ANO3: variants seen among roughly 807,000 people sequenced by gnomAD.
The protein encoded by ANO3 is anoctamin 3, also known as anoctamin-3.
In ANO3, 99 loss-of-function variants were observed where a neutral mutation model predicts 144.8. The observed-to-expected ratio is 0.68, with a 90% confidence interval of 0.58 to 0.81. The LOEUF (loss-of-function observed/expected upper bound fraction) is 0.81. Among genes scored for constraint, ANO3 ranks in the 30% least tolerant of loss-of-function variants. ANO3 has a pLI of 0.00. For missense variants in ANO3, 905 were observed against 1,202.2 expected, an observed-to-expected ratio of 0.75 and a Z score of 3.66; for synonymous variants, 414 against 392.6, an observed-to-expected ratio of 1.05 and a Z score of -0.64.
intron 19 of ANO3, 125 bp from the exon 20 acceptor site, chr11:26,634,888 A>G: frequency 2.8e-6 from 2 of 710,256 alleles, no homozygotes; most frequent in East Asian, 2.6e-5. Flanking sequence ...GCAGAAGTCA[A>G]CTGGGGACAG....
At chr11:26,609,941 C>T (rs926777886) in intron 17 of ANO3, among the ~76,000 whole-genome samples, 2 of 152,162 alleles carry the variant, frequency 1.3e-5, no homozygotes, top group African/African-American at 2.4e-5. Context: ...GACGGAGTTT[C>T]GCTCTTGTTG....
intron 14 of ANO3, among the ~76,000 whole-genome samples, chr11:26,587,994 A>C (rs1379259085): frequency 6.6e-6 from 1 of 151,932 alleles, no homozygotes; most frequent in Non-Finnish European, 1.5e-5. Context: ...GAGGGTTTTC[A>C]TTAGAATCAA....
At chr11:26,366,896 A>G (rs1448602125) in intron 1 of ANO3, among the ~76,000 whole-genome samples, 1 of 152,042 alleles carries the variant, frequency 6.6e-6, no homozygotes, top group Non-Finnish European at 1.5e-5. Flanking sequence ...TCAGATGAGT[A>G]GGTTGCAAAA....
At chr11:26,654,164 A>G (rs908216741) in intron 24 of ANO3, among the ~76,000 whole-genome samples, 2 of 152,144 alleles carry the variant, frequency 1.3e-5, no homozygotes, top group South Asian at 4.1e-4. Flanking sequence ...TTTACATATA[A>G]ACTTTAGATT....
intron 4 of ANO3, among the ~76,000 whole-genome samples, chr11:26,470,164 T>A (rs1859729920): frequency 6.6e-6 from 1 of 151,770 alleles, no homozygotes; most frequent in Non-Finnish European, 1.5e-5. Context: ...TTTGGGAGGC[T>A]GAGGAGGGCA....
At chr11:26,233,089 C>A (rs369818792) in intron 1 of ANO3, among the ~76,000 whole-genome samples, 1 of 151,778 alleles carries the variant, frequency 6.6e-6, no homozygotes, top group East Asian at 1.9e-4. Flanking sequence ...TGGTGGCGGG[C>A]GCCTGTAGTC....
chr11:26,619,252 G>T (rs191238152), intron 17 of ANO3, among the ~76,000 whole-genome samples: 1 of 152,044 alleles, frequency 6.6e-6, no homozygotes, highest in Non-Finnish European at 1.5e-5. Context: ...TATAACCAAA[G>T]ACTATACATT....
chr11:26,557,839 C>T (rs1040138331), intron 13 of ANO3, among the ~76,000 whole-genome samples: 1 of 152,164 alleles, frequency 6.6e-6, no homozygotes, highest in African/African-American at 2.4e-5. Context: ...ACATCTCAAG[C>T]TATAACCACA....
At chr11:26,193,942 T>C (rs1472787815) in intron 1 of ANO3, among the ~76,000 whole-genome samples, 3 of 152,160 alleles carry the variant, frequency 2.0e-5, no homozygotes, top group African/African-American at 7.2e-5. Context: ...TGCTACTAAC[T>C]GCATGACTTC....
At chr11:26,592,359 C>T (rs962763219) in intron 14 of ANO3, among the ~76,000 whole-genome samples, 3 of 152,000 alleles carry the variant, frequency 2.0e-5, no homozygotes, top group African/African-American at 7.2e-5. Flanking sequence ...TATTGTATGC[C>T]TAACACCTGG....
At chr11:26,418,473 C>A (rs1029919725) in intron 1 of ANO3, among the ~76,000 whole-genome samples, 9 of 152,032 alleles carry the variant, frequency 5.9e-5, no homozygotes, top group Non-Finnish European at 1.2e-4. Flanking sequence ...GTAACTCCAC[C>A]AAAATCCAAA....
chr11:26,561,674 C>A (rs1850299459), intron 14 of ANO3, among the ~76,000 whole-genome samples: 2 of 151,760 alleles, frequency 1.3e-5, no homozygotes, highest in Admixed American at 1.3e-4. Flanking sequence ...GATGGCTAAA[C>A]CATTTAAGGT....
At chr11:26,572,417 A>G (rs770646225) in intron 14 of ANO3, among the ~76,000 whole-genome samples, 5 of 152,076 alleles carry the variant, frequency 3.3e-5, no homozygotes, top group Non-Finnish European at 7.4e-5. Context: ...CCTAAGTGAA[A>G]AAAAGGACAA....
intron 1 of ANO3, among the ~76,000 whole-genome samples, chr11:26,397,635 A>G (rs1857049379): frequency 2.0e-5 from 3 of 152,116 alleles, no homozygotes; most frequent in African/African-American, 7.2e-5. Flanking sequence ...TATAATGTAC[A>G]GTGATCAGAT....
chr11:26,578,001 G>C (rs1851034474), intron 14 of ANO3, among the ~76,000 whole-genome samples: 1 of 152,192 alleles, frequency 6.6e-6, no homozygotes, highest in Non-Finnish European at 1.5e-5. Flanking sequence ...TATCATGGAA[G>C]GCCTGCTACT....
intron 1 of ANO3, among the ~76,000 whole-genome samples, chr11:26,287,102 G>A (rs372126480): frequency 2.6e-5 from 4 of 152,116 alleles, no homozygotes; most frequent in Admixed American, 6.5e-5. Context: ...TTTCTACCAA[G>A]TCAGAAACTG....
chr11:26,432,571 T>G (rs1286779011), intron 1 of ANO3, among the ~76,000 whole-genome samples: 1 of 152,194 alleles, frequency 6.6e-6, no homozygotes, highest in Non-Finnish European at 1.5e-5. Context: ...CTTGAGTTGA[T>G]TTTTGTTTAT....
At chr11:26,519,210 A>G (rs1861973162) in intron 6 of ANO3, among the ~76,000 whole-genome samples, 1 of 152,184 alleles carries the variant, frequency 6.6e-6, no homozygotes, top group Admixed American at 6.5e-5. Context: ...ATTTCAGTAC[A>G]TATCAGTATA....
intron 1 of ANO3, among the ~76,000 whole-genome samples, chr11:26,396,163 A>G (rs918980859): frequency 6.6e-6 from 1 of 152,216 alleles, no homozygotes; most frequent in Admixed American, 6.5e-5. Context: ...GAAGACATTT[A>G]TGCAGCCAAC....
Sources: allele counts gnomAD v4.1 joint callset (sites outside exome capture counted in the v4.1 genomes callset), GRCh38; gene constraint gnomAD v4.1.1; transcripts MANE v1.5; gene names NCBI Gene and HGNC (gene_info 2026-07-23, HGNC 2026-07-21).